XKR6: variants seen among roughly 807,000 people sequenced by gnomAD.
XKR6 encodes XK-related protein 6.
XKR6 carries 22 observed loss-of-function variants against 56.7 expected under a neutral mutation model. The ratio of observed to expected loss-of-function variants is 0.39; its 90% CI spans 0.28 to 0.55. The LOEUF (loss-of-function observed/expected upper bound fraction) is 0.55. XKR6 is among the 20% of genes least tolerant of loss of function. The pLI is 0.66. For missense variants in XKR6, 852 were observed against 889.0 expected, an observed-to-expected ratio of 0.96 and a Z score of 0.53; for synonymous variants, 524 against 387.8, an observed-to-expected ratio of 1.35 and a Z score of -4.13.
chr8:11,076,346 C>T (rs1800273818), intron 1 of XKR6, among the ~76,000 whole-genome samples: 1 of 152,168 alleles, frequency 6.6e-6, no homozygotes. Context: ...CTCAACCATA[C>T]ACTTAAAATT....
At chr8:11,058,783 C>A (rs1447125564) in intron 1 of XKR6, among the ~76,000 whole-genome samples, 1 of 152,082 alleles carries the variant, frequency 6.6e-6, no homozygotes, top group African/African-American at 2.4e-5. Context: ...CAACAAACCA[C>A]CACGGCACAT....
At chr8:11,015,158 T>A (rs1333156596) in intron 1 of XKR6, among the ~76,000 whole-genome samples, 1 of 150,376 alleles carries the variant, frequency 6.6e-6, no homozygotes, top group African/African-American at 2.5e-5. Flanking sequence ...GTGCCCTGCA[T>A]CTGGCCGTGT....
At chr8:10,970,334 A>G (rs188725035) in intron 1 of XKR6, among the ~76,000 whole-genome samples, 109 of 152,306 alleles carry the variant, frequency 7.2e-4, no homozygotes, top group African/African-American at 2.5e-3. Flanking sequence ...CACCTGTCCA[A>G]TGAGGGCACT....
chr8:10,924,556 C>T lies in XKR6; in HGVS notation c.961+78G>A, dbSNP rs529745391. The stretch of plus-strand genomic sequence containing the variant: ...CAATGCCCACAGAGCGTGCCAGGCA[C>T]GAAGTGTGTGGGAGGCGGCCGTGGT... On this transcript the variant is annotated intron_variant, in intron 2 of 2. Coordinates refer to ENST00000416569, the MANE Select transcript of XKR6 (RefSeq NM_173683.4). The T allele has an allele frequency of 2.3e-4, 348 of 1,519,492 alleles. 1 individual carries two copies. Among genetic ancestry groups the T allele is most frequent in the Non-Finnish European group, 2.5e-4 (284 of 1,125,676 alleles). 94.1% of individuals were successfully genotyped at this position (1,519,492 alleles called of 1,614,324 possible).
chr8:10,971,973 C>T (rs1322145833), intron 1 of XKR6, among the ~76,000 whole-genome samples: 2 of 151,938 alleles, frequency 1.3e-5, no homozygotes, highest in East Asian at 1.9e-4. Flanking sequence ...ATCTCCTTGC[C>T]ACAGCTCTTT....
At chr8:10,979,211 G>T (rs1188624831) in intron 1 of XKR6, among the ~76,000 whole-genome samples, 5 of 151,964 alleles carry the variant, frequency 3.3e-5, no homozygotes, top group East Asian at 1.9e-4. Flanking sequence ...ACTAGGAAGG[G>T]CTCCTGGAAG....
chr8:11,087,954 G>C (rs981258023), intron 1 of XKR6, among the ~76,000 whole-genome samples: 5 of 152,206 alleles, frequency 3.3e-5, no homozygotes, highest in Admixed American at 1.3e-4. Context: ...ATAAGGAAAA[G>C]CCATTAAAAC....
At chr8:11,132,457 G>A (rs1800153434) in intron 1 of XKR6, among the ~76,000 whole-genome samples, 1 of 151,742 alleles carries the variant, frequency 6.6e-6, no homozygotes. Context: ...CCGCCTCCCA[G>A]GCTCAACCAA....
intron 1 of XKR6, among the ~76,000 whole-genome samples, chr8:10,955,011 G>C (rs1203743756): frequency 6.6e-6 from 1 of 151,988 alleles, no homozygotes; most frequent in African/African-American, 2.4e-5. Flanking sequence ...TAGGATTACA[G>C]GCATGTGCCA....
intron 1 of XKR6, among the ~76,000 whole-genome samples, chr8:11,141,022 C>T (rs561664469): frequency 6.6e-6 from 1 of 151,794 alleles, no homozygotes; most frequent in African/African-American, 2.4e-5. Flanking sequence ...CAGTTACTTG[C>T]AGAATCAAGT....
intron 2 of XKR6, among the ~76,000 whole-genome samples, chr8:10,918,335 G>T (rs565871688): frequency 6.6e-6 from 1 of 152,314 alleles, no homozygotes; most frequent in East Asian, 1.9e-4. Context: ...CAGGACATTT[G>T]CAAAAAGCCA....
chr8:11,163,406 A>C (rs183984324), intron 1 of XKR6, among the ~76,000 whole-genome samples: 1 of 151,866 alleles, frequency 6.6e-6, no homozygotes, highest in African/African-American at 2.4e-5. Context: ...ATCTCTTGTC[A>C]CCATTATCAT....
At chr8:11,180,919 A>G in intron 1 of XKR6, among the ~76,000 whole-genome samples, 1 of 152,206 alleles carries the variant, frequency 6.6e-6, no homozygotes, top group Non-Finnish European at 1.5e-5. Flanking sequence ...AAATATAAAA[A>G]TAATAAAATG....
intron 1 of XKR6, among the ~76,000 whole-genome samples, chr8:11,059,157 G>A (rs1011464941): frequency 2.0e-5 from 3 of 152,230 alleles, no homozygotes; most frequent in Non-Finnish European, 4.4e-5. Flanking sequence ...CATCCACGGC[G>A]TGGCGGCCAG....
intron 1 of XKR6, among the ~76,000 whole-genome samples, chr8:11,081,250 G>A (rs1270931335): frequency 6.6e-6 from 1 of 152,184 alleles, no homozygotes; most frequent in Non-Finnish European, 1.5e-5. Flanking sequence ...CCAGCAGATG[G>A]ACTTTACCTT....
chr8:11,131,169 T>C (rs1449415976), intron 1 of XKR6, among the ~76,000 whole-genome samples: 1 of 152,186 alleles, frequency 6.6e-6, no homozygotes, highest in Non-Finnish European at 1.5e-5. Flanking sequence ...ATTTGTACAC[T>C]CTGGTTCATC....
At chr8:11,121,377 G>T (rs1356541161) in intron 1 of XKR6, among the ~76,000 whole-genome samples, 1 of 152,102 alleles carries the variant, frequency 6.6e-6, no homozygotes, top group Non-Finnish European at 1.5e-5. Context: ...AGTGAGCGAA[G>T]GATATGAACA....
intron 1 of XKR6, among the ~76,000 whole-genome samples, chr8:11,011,600 C>T (rs564983793): frequency 1.2e-4 from 19 of 152,162 alleles, no homozygotes; most frequent in South Asian, 4.2e-4. Flanking sequence ...TAATCTAACA[C>T]GAAAGAGACA....
rs1437863902 is a variant in XKR6 at position 11,079,283 on chromosome 8, A to G, written c.764+121293T>C. Among the ~76,000 whole-genome samples, 4 of 152,378 alleles carry G rather than the reference A, an allele frequency of 2.6e-5. No homozygotes were observed. The East Asian group carries it at 5.8e-4, about 22-fold the overall frequency. ...AGGGAATGAGAGATGACCTAACTGT[A>G]TCAATTGGGGAATAAATAAACACAT... On this transcript the variant is annotated intron_variant, in intron 1 of 2. Transcript: ENST00000416569.
Sources: allele counts gnomAD v4.1 joint callset (sites outside exome capture counted in the v4.1 genomes callset), GRCh38; gene constraint gnomAD v4.1.1; transcripts MANE v1.5; gene names NCBI Gene and HGNC (gene_info 2026-07-23, HGNC 2026-07-21).